Variants in EXTL3 observed in about 807,000 individuals in gnomAD.
EXTL3 encodes exostosin-like 3.
EXTL3 carries 27 observed loss-of-function variants against 69.3 expected under a neutral mutation model. The ratio of observed to expected loss-of-function variants is 0.39; its 90% CI spans 0.29 to 0.54. The LOEUF (loss-of-function observed/expected upper bound fraction) is 0.54. Ranked by LOEUF, EXTL3 falls within the 20% of genes least tolerant of loss-of-function variation. The pLI, the probability that EXTL3 is intolerant of heterozygous loss-of-function variation, is 0.69. For missense variants in EXTL3, 1,003 were observed against 1,231.8 expected (o/e 0.81, Z 2.78); for synonymous variants, 511 against 499.4 (o/e 1.02, Z -0.31).
chr8:28,701,493 G>C (rs1367775120), upstream of EXTL3: 1 of 152,296 alleles, frequency 6.6e-6, no homozygotes, highest in African/African-American at 2.4e-5. Context: ...GGCGCCCTTC[G>C]GCAAGTTCCG....
chr8:28,640,051 GATT>G (rs1387855808), intron 1 of EXTL3, among the ~76,000 whole-genome samples: 1 of 152,148 alleles, frequency 6.6e-6, no homozygotes, highest in African/African-American at 2.4e-5. Flanking sequence ...AGTGAGCTGA[GATT>G]ATACCACTGC....
intron 1 of EXTL3, among the ~76,000 whole-genome samples, chr8:28,639,191 C>T (rs1223844865): frequency 1.3e-5 from 2 of 151,456 alleles, no homozygotes; most frequent in African/African-American, 2.4e-5. Flanking sequence ...CTGCCTCGGC[C>T]TCCCAAAGTG....
rs1585299650 is a variant in EXTL3 at position 28,746,441 on chromosome 8, C to T, written c.2550+3227C>T. ...TTGGTTCTCTGGGGTGATATAGGTT[C>T]TTGGCAGCTATCAAGGATTTTCCTC... On this transcript the variant is annotated intron_variant, in intron 6 of 6. Coordinates refer to ENST00000220562, the MANE Select transcript of EXTL3 (RefSeq NM_001440.4). Among the ~76,000 whole-genome samples the T allele has an allele frequency of 3.3e-5, 5 of 152,194 alleles. 1 individual carries two copies. In the South Asian group the frequency reaches 1.0e-3, roughly 32 times the overall value.
chr8:28,619,949 A>C (rs56209462), upstream of EXTL3, among the ~76,000 whole-genome samples: 31,146 of 134,758 alleles, frequency 0.23, 3,928 homozygotes, highest in Admixed American at 0.29. Context: ...TGGCTCACTG[A>C]AAGCTCCACC....
chr8:28,698,847 A>G, upstream of EXTL3, among the ~76,000 whole-genome samples: 1 of 152,132 alleles, frequency 6.6e-6, no homozygotes, highest in East Asian at 1.9e-4. Context: ...TACAAAAATT[A>G]GCTGGGCACA....
chr8:28,752,173 C>G lies in EXTL3; in HGVS notation c.*1307C>G, dbSNP rs537755406. ...CTTGGAATCTAACGGGCATTCACAA[C>G]CCGAGTTACCACTTTCCACTCCCTG... On this transcript the variant is annotated 3_prime_UTR_variant, in exon 7 of 7. Coordinates refer to ENST00000220562, the MANE Select transcript of EXTL3 (RefSeq NM_001440.4). The G allele has an allele frequency of 6.6e-6, 1 of 152,290 alleles. No individual in the cohort carries two copies. The highest frequency in any genetic ancestry group is 2.4e-5 in the African/African-American group (1 of 41,534). 9.4% of individuals were successfully genotyped at this position (152,290 alleles called of 1,614,324 possible).
intron 1 of EXTL3, among the ~76,000 whole-genome samples, chr8:28,688,557 G>C (rs553321940): frequency 6.6e-6 from 1 of 152,222 alleles, no homozygotes; most frequent in African/African-American, 2.4e-5. Context: ...AGAGTATAGA[G>C]AGGTTATGTA....
intron 2 of EXTL3, among the ~76,000 whole-genome samples, chr8:28,609,895 A>C (rs1215558241): frequency 7.6e-6 from 1 of 132,050 alleles, no homozygotes; most frequent in African/African-American, 3.8e-5. Context: ...GGCTCAAAAA[A>C]ATAATTAAAA....
intron 1 of EXTL3, among the ~76,000 whole-genome samples, chr8:28,629,309 T>A (rs1015577076): frequency 3.9e-5 from 6 of 152,158 alleles, no homozygotes; most frequent in Non-Finnish European, 8.8e-5. Context: ...AGCACATTCA[T>A]AGGACTACCA....
intron 1 of EXTL3, among the ~76,000 whole-genome samples, chr8:28,643,446 G>C (rs145790102): frequency 1.6e-5 from 2 of 128,868 alleles, no homozygotes; most frequent in African/African-American, 2.9e-5. Context: ...ACAGAGTCTC[G>C]CTCTTTCGCC....
At chr8:28,727,128 C>T (rs999283402) in intron 3 of EXTL3, among the ~76,000 whole-genome samples, 4 of 152,036 alleles carry the variant, frequency 2.6e-5, no homozygotes, top group Non-Finnish European at 4.4e-5. Context: ...TCAGGTGATC[C>T]ACCCGCCTTG....
At position 28,734,118 on chromosome 8, in the gene EXTL3, A is replaced by G. The variant is rs866675543; in HGVS notation, c.2276+2768A>G. On this transcript the variant is annotated intron_variant, in intron 4 of 6. Coordinates refer to ENST00000220562, the MANE Select transcript of EXTL3 (RefSeq NM_001440.4). ...CAGGCATGAGCCACCGCACCAGGCC[A>G]GGATTGTCTTTTTATTATCACGTTA... is the stretch of plus-strand genomic sequence containing the variant. 4.6e-5 allele frequency among the ~76,000 whole-genome samples: 7 copies of G among 152,214 alleles called. No homozygotes were observed. The South Asian group carries it at 1.2e-3, about 27-fold the overall frequency.
chr8:28,667,137 G>A (rs904242982), intron 1 of EXTL3, among the ~76,000 whole-genome samples: 3 of 152,190 alleles, frequency 2.0e-5, no homozygotes, highest in Admixed American at 6.5e-5. Flanking sequence ...GAAAAATTGC[G>A]CTGAACAAGT....
intron 1 of EXTL3, among the ~76,000 whole-genome samples, chr8:28,684,104 G>A (rs1807538279): frequency 6.6e-6 from 1 of 152,110 alleles, no homozygotes; most frequent in Admixed American, 6.5e-5. Flanking sequence ...GCAGGTGACA[G>A]GGTCTCATTT....
chr8:28,681,372 G>A (rs1457786302), intron 1 of EXTL3, among the ~76,000 whole-genome samples: 1 of 151,676 alleles, frequency 6.6e-6, no homozygotes, highest in South Asian at 2.1e-4. Context: ...AAAAAAATTA[G>A]CTGGGCATGG....
downstream of EXTL3, among the ~76,000 whole-genome samples, chr8:28,756,414 A>G (rs1802122511): frequency 6.6e-6 from 1 of 152,170 alleles, no homozygotes; most frequent in South Asian, 2.1e-4. Flanking sequence ...AGATGCATCC[A>G]TCGTTGCTGA....
At chr8:28,639,836 C>G (rs989154244) in intron 1 of EXTL3, among the ~76,000 whole-genome samples, 1 of 152,260 alleles carries the variant, frequency 6.6e-6, no homozygotes, top group South Asian at 2.1e-4. Flanking sequence ...GGCGCAGTGG[C>G]TCATGCCTGT....
chr8:28,610,757 T>C (rs1034029162), intron 2 of EXTL3, among the ~76,000 whole-genome samples: 12 of 151,896 alleles, frequency 7.9e-5, no homozygotes, highest in African/African-American at 2.4e-4. Flanking sequence ...TTTTTTTTTT[T>C]TTTTAGATGG....
chr8:28,699,220 G>A (rs1331026804), upstream of EXTL3, among the ~76,000 whole-genome samples: 1 of 152,164 alleles, frequency 6.6e-6, no homozygotes, highest in Non-Finnish European at 1.5e-5. Flanking sequence ...ATGTGAGGGT[G>A]TCCAGAGTGC....
Sources: allele counts gnomAD v4.1 joint callset (sites outside exome capture counted in the v4.1 genomes callset), GRCh38; gene constraint gnomAD v4.1.1; transcripts MANE v1.5; gene names NCBI Gene and HGNC (gene_info 2026-07-23, HGNC 2026-07-21).